Variants in CCDC68 observed in about 807,000 individuals in gnomAD.
CCDC68 encodes coiled-coil domain containing 68.
Under a neutral mutation model 47.1 loss-of-function variants are expected in CCDC68, and 45 were observed. The observed-to-expected ratio is 0.96, with a 90% CI of 0.75 to 1.23. CCDC68 has a LOEUF of 1.23. Ranked by LOEUF, CCDC68 falls within the 50% of genes most tolerant of loss-of-function variation. The probability of loss-of-function intolerance (pLI) is 0.00; values close to 1 mark genes in which losing one functional copy is unlikely to be tolerated. For missense variants in CCDC68, 353 were observed against 373.6 expected (o/e 0.94, Z 0.45); for synonymous variants, 131 against 129.5 (o/e 1.01, Z -0.08).
At chr18:54,924,536 T>C (rs78886321) in intron 8 of CCDC68, among the ~76,000 whole-genome samples, 3,121 of 152,292 alleles carry the variant, frequency 0.02, 115 homozygotes, top group African/African-American at 0.07. Flanking sequence ...GAGGATTCTC[T>C]CTCAATTCAT....
intron 1 of CCDC68, chr18:54,954,365 A>T (rs2044676784): frequency 6.6e-6 from 1 of 151,840 alleles, no homozygotes; most frequent in Non-Finnish European, 1.5e-5. Flanking sequence ...CCATGACCCT[A>T]CTTTTTATCA....
intron 8 of CCDC68, among the ~76,000 whole-genome samples, chr18:54,925,256 A>G (rs983040778): frequency 6.6e-6 from 1 of 152,144 alleles, no homozygotes; most frequent in East Asian, 1.9e-4. Flanking sequence ...ACCTATTCTT[A>G]TATCTCCTTG....
At chr18:54,939,202 G>A (rs891497402) in intron 4 of CCDC68, among the ~76,000 whole-genome samples, 1 of 152,092 alleles carries the variant, frequency 6.6e-6, no homozygotes, top group African/African-American at 2.4e-5. Context: ...GTGTTTTAGA[G>A]TCAAGACCCT....
At chr18:54,947,396 G>A (rs1296108560) in intron 1 of CCDC68, among the ~76,000 whole-genome samples, 1 of 152,104 alleles carries the variant, frequency 6.6e-6, no homozygotes, top group South Asian at 2.1e-4. Flanking sequence ...GCTTTATTCT[G>A]TCTCACACAC....
At chr18:54,912,663 C>T (rs1914434279) in intron 10 of CCDC68, among the ~76,000 whole-genome samples, 2 of 152,112 alleles carry the variant, frequency 1.3e-5, no homozygotes, top group African/African-American at 2.4e-5. Flanking sequence ...CATTTAATCA[C>T]CCAGTGTATT....
rs971709217 is a variant in CCDC68, at chr18:54,940,913, T to C, written c.204+84A>G. 9 of 892,962 alleles carry C rather than the reference T, an allele frequency of 1.0e-5. No homozygotes were observed. The East Asian group carries it at 2.0e-4, about 20-fold the overall frequency. The allele number at this position is 892,962 out of a possible 1,614,324, so 55.3% of individuals were successfully genotyped here. ...AATATTTCAACACTCATCCTTCGAA[T>C]CTTCAAAGAAGTTAGTAATTGCCCA... On this transcript the variant is annotated intron_variant, in intron 4 of 11. Transcript: ENST00000591504.
chr18:54,938,856 C>T (rs1230433551), intron 4 of CCDC68, among the ~76,000 whole-genome samples: 2 of 152,238 alleles, frequency 1.3e-5, no homozygotes, highest in Non-Finnish European at 2.9e-5. Context: ...ACATACACTA[C>T]AATTATAATA....
At chr18:54,944,596 A>T (rs1287450496) in intron 2 of CCDC68, among the ~76,000 whole-genome samples, 1 of 152,218 alleles carries the variant, frequency 6.6e-6, no homozygotes, top group Non-Finnish European at 1.5e-5. Flanking sequence ...CATAAGGCAA[A>T]AGCTCAATGC....
At chr18:54,931,171 G>A (rs1444633353) in intron 7 of CCDC68, among the ~76,000 whole-genome samples, 1 of 152,164 alleles carries the variant, frequency 6.6e-6, no homozygotes, top group Non-Finnish European at 1.5e-5. Flanking sequence ...ATAAACAGGG[G>A]TCAAGGGGAC....
At chr18:54,937,933 A>AAAATTTTT in intron 5 of CCDC68, 24 bp downstream of exon 5, 1 of 1,599,536 alleles carries the variant, frequency 6.3e-7, no homozygotes. Context: ...AAAACACAAA[A>AAAATTTTT]TTTGAAACTT....
chr18:54,922,421 G>T (rs1249994493), intron 8 of CCDC68, among the ~76,000 whole-genome samples: 1 of 152,182 alleles, frequency 6.6e-6, no homozygotes, highest in Non-Finnish European at 1.5e-5. Context: ...GAGTGTGCGA[G>T]AGGCAGGACT....
chr18:54,951,101 G>T (rs1028813413), intron 1 of CCDC68, among the ~76,000 whole-genome samples: 1 of 150,578 alleles, frequency 6.6e-6, no homozygotes, highest in Non-Finnish European at 1.5e-5. Flanking sequence ...GTAGAGACGG[G>T]GTTTCACCGT....
rs1913705529 is a variant in CCDC68, at chr18:54,901,910, T to A, written c.*2448A>T. The A allele has an allele frequency of 6.6e-6, 1 of 151,896 alleles. No homozygotes were observed. Among genetic ancestry groups the A allele is most frequent in the Admixed American group, 6.6e-5 (1 of 15,238 alleles). The allele number at this position is 151,896 out of a possible 1,614,324, so 9.4% of individuals were successfully genotyped here. ...AAGTGTTTTTTTTTTCATAAAAAAATATTTCAAATGATAATTTTATGATAG... is the reference window on the plus strand; with the variant it reads ...AAGTGTTTTTTTTTTCATAAAAAAAAATTTCAAATGATAATTTTATGATAG... On this transcript the variant is annotated 3_prime_UTR_variant, in exon 12 of 12. Transcript: ENST00000591504.
At chr18:54,955,434 C>G (rs1192658894) in intron 1 of CCDC68, among the ~76,000 whole-genome samples, 1 of 152,110 alleles carries the variant, frequency 6.6e-6, no homozygotes, top group Non-Finnish European at 1.5e-5. Flanking sequence ...CAGAGAGACA[C>G]TGTCTTCTTT....
At chr18:54,926,994 A>C (rs1057094694) in intron 8 of CCDC68, among the ~76,000 whole-genome samples, 3 of 152,232 alleles carry the variant, frequency 2.0e-5, no homozygotes, top group African/African-American at 7.2e-5. Flanking sequence ...ATTTTTAAGA[A>C]GACAAATCTT....
intron 4 of CCDC68, among the ~76,000 whole-genome samples, 155 bp from the exon 5 acceptor site, chr18:54,938,252 G>C (rs975018799): frequency 2.0e-5 from 3 of 152,204 alleles, no homozygotes; most frequent in Non-Finnish European, 4.4e-5. Flanking sequence ...GGAAATTCTA[G>C]ATGAAGCAGT....
At chr18:54,923,717 CTTT>C (rs5825107) in intron 8 of CCDC68, among the ~76,000 whole-genome samples, 1 of 147,808 alleles carries the variant, frequency 6.8e-6, no homozygotes, top group Non-Finnish European at 1.5e-5. Flanking sequence ...AGCACTCAGT[CTTT>C]TTTTTTTTTT....
chr18:54,957,718 G>A (rs889146859), intron 1 of CCDC68, among the ~76,000 whole-genome samples: 30 of 151,488 alleles, frequency 2.0e-4, no homozygotes, highest in African/African-American at 7.3e-4. Flanking sequence ...TCATTTAAAC[G>A]TGTTAGTAAA....
At chr18:54,920,549 T>A (rs1003142784) in intron 8 of CCDC68, among the ~76,000 whole-genome samples, 2 of 152,194 alleles carry the variant, frequency 1.3e-5, no homozygotes, top group Non-Finnish European at 2.9e-5. Context: ...TATAGCATGT[T>A]CTAATTAGAA....
Sources: allele counts gnomAD v4.1 joint callset (sites outside exome capture counted in the v4.1 genomes callset), GRCh38; gene constraint gnomAD v4.1.1; transcripts MANE v1.5; gene names NCBI Gene and HGNC (gene_info 2026-07-23, HGNC 2026-07-21).